Variants in RAPGEF4 observed in about 807,000 individuals in gnomAD.
RAPGEF4 encodes the protein Rap guanine nucleotide exchange factor 4.
A neutral mutation model predicts 147.9 loss-of-function variants in RAPGEF4; 66 were observed. That is an observed-to-expected ratio of 0.45 (90% CI 0.37 to 0.55). The LOEUF is 0.55. RAPGEF4 is among the 20% of genes least tolerant of loss of function. RAPGEF4 has a pLI of 0.00. For missense variants in RAPGEF4, 1,071 were observed against 1,257.3 expected (o/e 0.85, Z 2.24); for synonymous variants, 419 against 442.7 (o/e 0.95, Z 0.67).
intron 1 of RAPGEF4, among the ~76,000 whole-genome samples, chr2:172,789,215 A>G (rs1685555478): frequency 6.6e-6 from 1 of 152,212 alleles, no homozygotes; most frequent in South Asian, 2.1e-4. Context: ...TTTGATTAAC[A>G]AAGTCAACTA....
chr2:172,958,138 G>A, intron 6 of RAPGEF4, among the ~76,000 whole-genome samples: 1 of 152,170 alleles, frequency 6.6e-6, no homozygotes. Context: ...TCACTGCAAA[G>A]GAAAGTAGGT....
At chr2:172,819,287 C>T (rs963454169) in intron 4 of RAPGEF4, among the ~76,000 whole-genome samples, 2 of 152,004 alleles carry the variant, frequency 1.3e-5, no homozygotes, top group African/African-American at 4.8e-5. Context: ...ATTTACACCC[C>T]TTTAATATTA....
At chr2:172,978,600 G>A (rs1691346480) in intron 10 of RAPGEF4, among the ~76,000 whole-genome samples, 1 of 152,182 alleles carries the variant, frequency 6.6e-6, no homozygotes, top group Non-Finnish European at 1.5e-5. Context: ...AAGTGGTGGG[G>A]CCTTTTGATC....
chr2:173,003,315 A>G (rs1694132600), intron 17 of RAPGEF4, among the ~76,000 whole-genome samples: 2 of 152,186 alleles, frequency 1.3e-5, no homozygotes, highest in African/African-American at 2.4e-5. Flanking sequence ...GGGGAAGGCA[A>G]GAAAGCAAAC....
chr2:173,022,476 C>G (rs1696202396), intron 23 of RAPGEF4, among the ~76,000 whole-genome samples: 1 of 152,194 alleles, frequency 6.6e-6, no homozygotes, highest in Non-Finnish European at 1.5e-5. Context: ...ACAATGAGCT[C>G]CTTCTCTGGC....
intron 1 of RAPGEF4, among the ~76,000 whole-genome samples, chr2:172,761,007 AG>A (rs1696264649): frequency 6.6e-6 from 1 of 151,862 alleles, no homozygotes; most frequent in Non-Finnish European, 1.5e-5. Flanking sequence ...CAAGAGAGAA[AG>A]GACACCTTAC....
chr2:172,869,424 T>A (rs757376192), intron 4 of RAPGEF4, among the ~76,000 whole-genome samples: 2 of 152,188 alleles, frequency 1.3e-5, no homozygotes, highest in African/African-American at 2.4e-5. Context: ...TCCCTGTGGG[T>A]AATTTTATGC....
chr2:172,885,349 C>G (rs1021460409), intron 4 of RAPGEF4, among the ~76,000 whole-genome samples: 1 of 152,206 alleles, frequency 6.6e-6, no homozygotes, highest in Non-Finnish European at 1.5e-5. Flanking sequence ...AGATTGCCTC[C>G]CAAGACCTGG....
chr2:172,903,503 A>C (rs892519041), intron 4 of RAPGEF4, among the ~76,000 whole-genome samples: 3 of 151,718 alleles, frequency 2.0e-5, no homozygotes, highest in Admixed American at 6.6e-5. Flanking sequence ...GTGCCACTGC[A>C]TTCCAGCCTG....
At chr2:172,847,348 G>T (rs1300606435) in intron 4 of RAPGEF4, among the ~76,000 whole-genome samples, 2 of 152,156 alleles carry the variant, frequency 1.3e-5, no homozygotes, top group Non-Finnish European at 2.9e-5. Flanking sequence ...TATGAAAATG[G>T]TCTTGCGTGG....
At chr2:172,948,857 G>T (rs904036146) in intron 6 of RAPGEF4, among the ~76,000 whole-genome samples, 4 of 151,888 alleles carry the variant, frequency 2.6e-5, no homozygotes, top group African/African-American at 9.7e-5. Flanking sequence ...ATGGGTACTG[G>T]GCTTAATACT....
chr2:172,805,048 G>A (rs944556526), intron 3 of RAPGEF4, among the ~76,000 whole-genome samples: 6 of 152,230 alleles, frequency 3.9e-5, no homozygotes, highest in African/African-American at 1.4e-4. Flanking sequence ...GGAAGCATCA[G>A]ATAGTGGCAT....
chr2:172,811,666 A>G (rs776660578), intron 3 of RAPGEF4, among the ~76,000 whole-genome samples: 1 of 152,234 alleles, frequency 6.6e-6, no homozygotes, highest in Non-Finnish European at 1.5e-5. Context: ...AAGCCCATCT[A>G]CAGGGTTTCA....
chr2:172,896,584 C>T (rs377079991), intron 4 of RAPGEF4, among the ~76,000 whole-genome samples: 1 of 151,830 alleles, frequency 6.6e-6, no homozygotes, highest in African/African-American at 2.4e-5. Context: ...CCCACCCCCC[C>T]CCAAAAAAAT....
chr2:172,974,569 A>G (rs1201039884), intron 10 of RAPGEF4, among the ~76,000 whole-genome samples: 2 of 152,182 alleles, frequency 1.3e-5, no homozygotes, highest in African/African-American at 4.8e-5. Context: ...CTGTAATCCC[A>G]GCTATCAGGA....
At position 173,022,257 on chromosome 2, in the gene RAPGEF4, T is replaced by C. The variant is rs546181889; in HGVS notation, c.2253+1542T>C. Among the ~76,000 whole-genome samples, 204 of 152,332 alleles carry C rather than the reference T, an allele frequency of 1.3e-3. 1 individual carries two copies. The highest frequency in any genetic ancestry group is 2.4e-3 in the Non-Finnish European group (163 of 68,020). ...TGTCTTCAGCTCCCTGTGGGGCAGA[T>C]ACTAACTTTCTAAACCTCTGTTTGT... is the stretch of plus-strand genomic sequence containing the variant. On this transcript the variant is annotated intron_variant, in intron 23 of 30. Coordinates refer to ENST00000397081, the MANE Select transcript of RAPGEF4 (RefSeq NM_007023.4).
intron 1 of RAPGEF4, among the ~76,000 whole-genome samples, chr2:172,758,523 A>T (rs896234852): frequency 6.6e-6 from 1 of 152,218 alleles, no homozygotes; most frequent in Non-Finnish European, 1.5e-5. Flanking sequence ...CTATTTCAGT[A>T]ATCTAGGTGA....
rs1242605865 is a variant in RAPGEF4 at position 172,819,461 on chromosome 2, C to CTTTTTTTTTTT, written c.444+5048_444+5058dup. ...AAGTCTTAGAATACCATTTTTAGTTCTTTTTTTTTTTTTTTTTTTTTTGAG... is the reference window on the plus strand; with the variant it reads ...AAGTCTTAGAATACCATTTTTAGTTCTTTTTTTTTTTTTTTTTTTTTTTTTTTTTTTTTGAG... On this transcript the variant is annotated intron_variant, in intron 4 of 30. Transcript: ENST00000397081. Among the ~76,000 whole-genome samples, 229 of 87,002 alleles carry CTTTTTTTTTTT rather than the reference C, an allele frequency of 2.6e-3. 17 individuals are homozygous for CTTTTTTTTTTT. Among genetic ancestry groups the CTTTTTTTTTTT allele is most frequent in the Non-Finnish European group, 3.8e-3 (183 of 48,432 alleles). The allele number at this position is 87,002 out of a possible 152,430, so 57.1% of individuals were successfully genotyped here.
At chr2:173,024,240 C>T (rs1376459497) in intron 23 of RAPGEF4, among the ~76,000 whole-genome samples, 3 of 130,986 alleles carry the variant, frequency 2.3e-5, no homozygotes, top group South Asian at 2.6e-4. Context: ...TTTTTTGAGA[C>T]GGAGTCTCGC....
Sources: gnomAD v4.1 joint callset for allele counts (sites outside exome capture counted in the v4.1 genomes callset) on GRCh38, gnomAD v4.1.1 for gene constraint, MANE v1.5 for transcripts, NCBI Gene and HGNC (gene_info 2026-07-23, HGNC 2026-07-21) for gene names.